The following SUGCT variants were observed in gnomAD, a reference collection of about 807,000 sequenced individuals.
SUGCT encodes the protein succinyl-CoA:glutarate CoA-transferase.
A neutral mutation model predicts 55.0 loss-of-function variants in SUGCT; 41 were observed. The observed-to-expected ratio is 0.74, with a 90% CI of 0.58 to 0.97. The LOEUF is 0.97. Among genes scored for constraint, SUGCT ranks in the 50% least tolerant of loss-of-function variants. The pLI is 0.00. For synonymous variants in SUGCT, 187 were observed against 200.4 expected (o/e 0.93, Z 0.56); for missense variants, 568 against 547.8 (o/e 1.04, Z -0.37).
At chr7:40,311,738 A>G (rs1275288639) in intron 8 of SUGCT, among the ~76,000 whole-genome samples, 1 of 152,182 alleles carries the variant, frequency 6.6e-6, no homozygotes, top group Non-Finnish European at 1.5e-5. Flanking sequence ...GCAAGACTAT[A>G]TCTTTTTTAT....
chr7:40,562,826 C>T (rs1190428913), intron 12 of SUGCT, among the ~76,000 whole-genome samples: 1 of 152,168 alleles, frequency 6.6e-6, no homozygotes, highest in Non-Finnish European at 1.5e-5. Context: ...GGCACGGCCA[C>T]ACCATCCATT....
the SUGCT span, chr7:40,964,701 T>C: frequency 6.6e-6 from 1 of 152,232 alleles, no homozygotes; most frequent in Admixed American, 6.5e-5. Context: ...TAATTCTTTA[T>C]TGATATGCTG....
At chr7:40,952,838 G>T in the SUGCT span, among the ~76,000 whole-genome samples, 1 of 152,162 alleles carries the variant, frequency 6.6e-6, no homozygotes, top group African/African-American at 2.4e-5. Flanking sequence ...AGTCTGATGG[G>T]CTTCCCTTTG....
intron 9 of SUGCT, chr7:40,388,209 T>C (rs1785227964): frequency 6.6e-6 from 1 of 152,216 alleles, no homozygotes; most frequent in Non-Finnish European, 1.5e-5. Flanking sequence ...TGGAACATAT[T>C]TCTTTGATCC....
chr7:40,841,075 ATTAC>A (rs569239379), intron 13 of SUGCT, among the ~76,000 whole-genome samples: 2 of 151,980 alleles, frequency 1.3e-5, no homozygotes, highest in Non-Finnish European at 2.9e-5. Context: ...TCATTGTTAT[ATTAC>A]TTAGACTTTT....
the SUGCT span, among the ~76,000 whole-genome samples, chr7:40,893,851 A>C: frequency 2.0e-5 from 3 of 152,186 alleles, no homozygotes; most frequent in African/African-American, 4.8e-5. Flanking sequence ...ATCTGAGGTC[A>C]GGAGTTTGAA....
chr7:40,918,044 A>G, the SUGCT span, among the ~76,000 whole-genome samples: 1 of 152,188 alleles, frequency 6.6e-6, no homozygotes, highest in Non-Finnish European at 1.5e-5. Flanking sequence ...ACCCAGTTAG[A>G]GGATCACTAC....
chr7:40,981,171 C>A, the SUGCT span, among the ~76,000 whole-genome samples: 9 of 152,104 alleles, frequency 5.9e-5, no homozygotes, highest in Non-Finnish European at 1.3e-4. Context: ...AGCCTTGCAC[C>A]CCTGGCCTGT....
intron 9 of SUGCT, among the ~76,000 whole-genome samples, chr7:40,444,555 A>G (rs539592519): frequency 1.3e-5 from 2 of 152,130 alleles, no homozygotes; most frequent in East Asian, 3.9e-4. Flanking sequence ...AATGCTTGTA[A>G]TTTTTGCACA....
the SUGCT span, among the ~76,000 whole-genome samples, chr7:40,974,580 C>T: frequency 1.3e-5 from 2 of 152,162 alleles, no homozygotes; most frequent in Non-Finnish European, 2.9e-5. Flanking sequence ...GTTGTTTAAG[C>T]CACACAGTCT....
intron 13 of SUGCT, among the ~76,000 whole-genome samples, chr7:40,780,849 G>A (rs1355906896): frequency 6.9e-6 from 1 of 144,508 alleles, no homozygotes; most frequent in Non-Finnish European, 1.5e-5. Flanking sequence ...TAAATATTTT[G>A]AGGAAACAGT....
the SUGCT span, chr7:40,964,835 G>T: frequency 6.6e-6 from 1 of 152,134 alleles, no homozygotes; most frequent in Non-Finnish European, 1.5e-5. Context: ...CTATGCTGTG[G>T]TTGAGATATC....
At chr7:40,873,961 C>G in the SUGCT span, among the ~76,000 whole-genome samples, 1 of 152,206 alleles carries the variant, frequency 6.6e-6, no homozygotes, top group Non-Finnish European at 1.5e-5. Context: ...CAAAGGAAAA[C>G]AAGACTCATA....
intron 13 of SUGCT, among the ~76,000 whole-genome samples, chr7:40,768,897 T>C (rs1788943922): frequency 6.6e-6 from 1 of 152,142 alleles, no homozygotes. Context: ...CGTTGTTCTT[T>C]AGGGAGAGTG....
chr7:40,205,027 G>A (rs974814403), intron 6 of SUGCT, among the ~76,000 whole-genome samples: 1 of 152,144 alleles, frequency 6.6e-6, no homozygotes, highest in South Asian at 2.1e-4. Context: ...GCTGAGGCAG[G>A]TGGATCATCT....
At chr7:40,267,021 A>C (rs1373891596) in intron 7 of SUGCT, among the ~76,000 whole-genome samples, 1 of 41,818 alleles carries the variant, frequency 2.4e-5, no homozygotes, top group Non-Finnish European at 4.4e-5. Context: ...ATCTAAAAAA[A>C]ACAAAAACAA....
At chr7:40,996,915 A>C in the SUGCT span, among the ~76,000 whole-genome samples, 1 of 152,234 alleles carries the variant, frequency 6.6e-6, no homozygotes, top group Non-Finnish European at 1.5e-5. Context: ...AAACAATTGA[A>C]TTAGGAAAGT....
chr7:40,195,285 G>A (rs777213540), intron 6 of SUGCT, among the ~76,000 whole-genome samples: 2 of 146,410 alleles, frequency 1.4e-5, no homozygotes, highest in Non-Finnish European at 3.0e-5. Context: ...GTAGTGGCGC[G>A]ATCTCGGCTT....
In SUGCT at chr7:40,282,728, G is replaced by A. The variant is rs1379934034; in HGVS notation, c.720+8072G>A. On this transcript the variant is annotated intron_variant, in intron 8 of 13. Coordinates refer to ENST00000335693, the MANE Select transcript of SUGCT (RefSeq NM_001193313.2). ...ATACAAAAAAATACAAAAATTACCC[G>A]GGCATGGTTGTGAGCACCTGTCACA... Among the ~76,000 whole-genome samples the A allele has an allele frequency of 3.3e-5, 5 of 151,926 alleles. No homozygotes were observed. The East Asian group carries it at 7.8e-4, about 24-fold the overall frequency.
Sources: allele counts gnomAD v4.1 joint callset (sites outside exome capture counted in the v4.1 genomes callset), GRCh38; gene constraint gnomAD v4.1.1; transcripts MANE v1.5; gene names NCBI Gene and HGNC (gene_info 2026-07-23, HGNC 2026-07-21).